The following FAM107B variants were observed in gnomAD, a reference collection of about 807,000 sequenced individuals.
FAM107B encodes the protein protein FAM107B.
In FAM107B, 21 loss-of-function variants were observed where a neutral mutation model predicts 31.5. The ratio of observed to expected loss-of-function variants is 0.67; its 90% CI spans 0.47 to 0.96. The LOEUF is 0.96. Among genes scored for constraint, FAM107B ranks in the 40% least tolerant of loss-of-function variants. FAM107B has a pLI of 0.00. For missense variants in FAM107B, 452 were observed against 377.1 expected (o/e 1.20, Z -1.64); for synonymous variants, 157 against 141.5 (o/e 1.11, Z -0.78).
rs146176674 is a variant in FAM107B at position 14,749,448 on chromosome 10, A to G, written c.411+24805T>C. Among the ~76,000 whole-genome samples, 243 of 152,254 alleles carry G rather than the reference A, an allele frequency of 1.6e-3. 2 individuals are homozygous for G. Among genetic ancestry groups the G allele is most frequent in the African/African-American group, 5.7e-3 (237 of 41,538 alleles). On this transcript the variant is annotated intron_variant, in intron 1 of 4. Coordinates refer to ENST00000181796, the MANE Select transcript of FAM107B (RefSeq NM_031453.4). ...GCCTTGTTCCTTCTTCCTGGCTAAAATCTACTCAGCATATCAAAGCTAGAA... is the reference window on the plus strand; with the variant it reads ...GCCTTGTTCCTTCTTCCTGGCTAAAGTCTACTCAGCATATCAAAGCTAGAA...
intron 1 of FAM107B, among the ~76,000 whole-genome samples, chr10:14,735,843 C>T (rs1002103611): frequency 6.6e-6 from 1 of 152,058 alleles, no homozygotes; most frequent in African/African-American, 2.4e-5. Context: ...ATGGTCACAC[C>T]TAAGATTTGG....
intron 2 of FAM107B, among the ~76,000 whole-genome samples, chr10:14,644,298 T>C (rs1351846198): frequency 1.3e-5 from 2 of 152,248 alleles, no homozygotes; most frequent in African/African-American, 4.8e-5. Flanking sequence ...TATATTACAT[T>C]GTGTTATCTT....
intron 2 of FAM107B, among the ~76,000 whole-genome samples, chr10:14,618,201 G>A (rs764051422): frequency 2.0e-5 from 3 of 152,100 alleles, no homozygotes; most frequent in Admixed American, 6.6e-5. Context: ...TTCACAAGAC[G>A]CTTTTGAGAT....
chr10:14,552,870 A>G (rs1209965569), intron 2 of FAM107B, among the ~76,000 whole-genome samples: 4 of 152,078 alleles, frequency 2.6e-5, no homozygotes, highest in African/African-American at 9.7e-5. Context: ...GTTGTGACCC[A>G]CTAAACTAAT....
chr10:14,682,188 A>G (rs966365173), intron 1 of FAM107B, among the ~76,000 whole-genome samples: 6 of 152,224 alleles, frequency 3.9e-5, no homozygotes, highest in African/African-American at 1.4e-4. Context: ...TACATTGCCG[A>G]ACAGTATGCA....
intron 1 of FAM107B, 113 bp downstream of exon 1, chr10:14,774,140 A>T: frequency 7.5e-7 from 1 of 1,332,452 alleles, no homozygotes; most frequent in Non-Finnish European, 1.0e-6. Flanking sequence ...GAACGCCCGC[A>T]ATGCCTTATT....
chr10:14,713,108 C>A (rs144058838), intron 1 of FAM107B, among the ~76,000 whole-genome samples: 2 of 152,100 alleles, frequency 1.3e-5, no homozygotes, highest in Non-Finnish European at 2.9e-5. Context: ...TCAAATCCTC[C>A]CTCTCTCTGG....
chr10:14,736,535 T>C (rs1166791150), intron 1 of FAM107B, among the ~76,000 whole-genome samples: 1 of 152,168 alleles, frequency 6.6e-6, no homozygotes, highest in African/African-American at 2.4e-5. Context: ...CTACTTTATG[T>C]AAGAACAGTA....
At chr10:14,663,772 A>G (rs1854322625) in intron 2 of FAM107B, among the ~76,000 whole-genome samples, 1 of 151,890 alleles carries the variant, frequency 6.6e-6, no homozygotes, top group African/African-American at 2.4e-5. Context: ...GGTGGTAAGG[A>G]CAGAGCACAC....
intron 2 of FAM107B, among the ~76,000 whole-genome samples, chr10:14,598,959 C>T (rs75044693): frequency 2.5e-4 from 38 of 152,280 alleles, no homozygotes; most frequent in African/African-American, 9.1e-4. Context: ...CACACCTTTC[C>T]CCTACAGCAC....
At chr10:14,747,479 AT>A (rs1407714758) in intron 1 of FAM107B, among the ~76,000 whole-genome samples, 5 of 151,874 alleles carry the variant, frequency 3.3e-5, no homozygotes, top group Non-Finnish European at 5.9e-5. Flanking sequence ...TTTTGTAAGG[AT>A]TTTTTTGTTG....
chr10:14,696,714 G>A (rs768499579), intron 1 of FAM107B, among the ~76,000 whole-genome samples: 18 of 152,070 alleles, frequency 1.2e-4, no homozygotes, highest in South Asian at 8.3e-4. Flanking sequence ...ATCGATCTCC[G>A]TCCCTTGTTA....
intron 2 of FAM107B, chr10:14,572,364 C>A: frequency 1.0e-6 from 1 of 985,408 alleles, no homozygotes; most frequent in Non-Finnish European, 1.2e-6. Context: ...AACACTCACA[C>A]AACCTGACTG....
chr10:14,656,837 C>T (rs1442377250), intron 2 of FAM107B, among the ~76,000 whole-genome samples: 1 of 152,250 alleles, frequency 6.6e-6, no homozygotes, highest in Non-Finnish European at 1.5e-5. Context: ...CTGAAAATTT[C>T]ATTCCTGGTA....
chr10:14,684,541 C>T (rs1297497407), intron 1 of FAM107B, among the ~76,000 whole-genome samples: 1 of 152,090 alleles, frequency 6.6e-6, no homozygotes, highest in East Asian at 1.9e-4. Flanking sequence ...CCCAAAGGCC[C>T]CACCCTCCTA....
At chr10:14,575,588 C>T (rs1168913918) in intron 2 of FAM107B, among the ~76,000 whole-genome samples, 2 of 152,146 alleles carry the variant, frequency 1.3e-5, no homozygotes, top group Non-Finnish European at 2.9e-5. Context: ...ATACCACACA[C>T]GTCACAAAGG....
chr10:14,525,041 G>A (rs962687529), intron 3 of FAM107B, among the ~76,000 whole-genome samples: 1 of 152,204 alleles, frequency 6.6e-6, no homozygotes, highest in African/African-American at 2.4e-5. Context: ...CAGTCAAGAA[G>A]TCATATAAAT....
intron 2 of FAM107B, among the ~76,000 whole-genome samples, chr10:14,631,883 G>A (rs993949350): frequency 3.3e-5 from 5 of 152,118 alleles, no homozygotes; most frequent in Non-Finnish European, 4.4e-5. Flanking sequence ...GGTGACAGCC[G>A]AGCATTAAGC....
At chr10:14,578,514 G>T (rs76325569) in intron 2 of FAM107B, among the ~76,000 whole-genome samples, 1 of 152,124 alleles carries the variant, frequency 6.6e-6, no homozygotes. Flanking sequence ...AAAAAAAAGA[G>T]ATCCATCAGA....
Sources: allele counts gnomAD v4.1 joint callset (sites outside exome capture counted in the v4.1 genomes callset), GRCh38; gene constraint gnomAD v4.1.1; transcripts MANE v1.5; gene names NCBI Gene and HGNC (gene_info 2026-07-23, HGNC 2026-07-21).